The following PIGF variants were observed in gnomAD, a reference collection of about 807,000 sequenced individuals.
PIGF encodes the protein phosphatidylinositol glycan anchor biosynthesis class F.
Under a neutral mutation model 26.0 loss-of-function variants are expected in PIGF, and 23 were observed. The ratio of observed to expected loss-of-function variants is 0.88; its 90% confidence interval spans 0.64 to 1.25. The LOEUF (loss-of-function observed/expected upper bound fraction) is 1.25, where lower values mean the gene tolerates loss of function less well. PIGF is among the 50% of genes most tolerant of loss of function. The pLI, the probability that PIGF is intolerant of heterozygous loss-of-function variation, is 0.00. For synonymous variants in PIGF, 93 were observed against 92.6 expected (o/e 1.00, Z -0.03); for missense variants, 278 against 249.9 (o/e 1.11, Z -0.76).
At chr2:46,606,323 C>T (rs957299451) in intron 4 of PIGF, among the ~76,000 whole-genome samples, 2 of 152,154 alleles carry the variant, frequency 1.3e-5, no homozygotes, top group African/African-American at 4.8e-5. Context: ...TGTATCTGTG[C>T]CCTCTGACAA....
At chr2:46,616,843 G>A (rs926461705) in intron 1 of PIGF, 127 bp downstream of exon 1, 1 of 290,110 alleles carries the variant, frequency 3.4e-6, no homozygotes, top group Non-Finnish European at 6.6e-6. Flanking sequence ...CACGCCGGAA[G>A]AGTGGCGCTG....
In PIGF at chr2:46,588,847, GTACT is replaced by G. The variant is rs527980754; in HGVS notation, c.546+3624_546+3627del. On this transcript the variant is annotated intron_variant, in intron 5 of 5. Coordinates refer to ENST00000281382, the MANE Select transcript of PIGF (RefSeq NM_002643.4). The surrounding 1 kb of genome is among the most constrained non-coding windows in gnomAD (Gnocchi z 4.1). ...TCCTGGGTGTATTTAAGTATCTGTTGTACTTACTTACACAGAACATATGCTATGC... is the reference window on the plus strand; with the variant it reads ...TCCTGGGTGTATTTAAGTATCTGTTGTACTTACACAGAACATATGCTATGC... Among the ~76,000 whole-genome samples the G allele has an allele frequency of 1.0e-3, 154 of 152,190 alleles. No individual in the cohort carries two copies. Among genetic ancestry groups the G allele is most frequent in the African/African-American group, 3.1e-3 (129 of 41,540 alleles).
chr2:46,606,474 C>T (rs1283129344), intron 4 of PIGF, among the ~76,000 whole-genome samples: 1 of 152,078 alleles, frequency 6.6e-6, no homozygotes, highest in African/African-American at 2.4e-5. Flanking sequence ...TAGTACTTCA[C>T]AGTGTGGGTT....
intron 4 of PIGF, among the ~76,000 whole-genome samples, chr2:46,600,939 G>A (rs1056635871): frequency 2.0e-5 from 3 of 151,592 alleles, no homozygotes; most frequent in East Asian, 1.9e-4. Context: ...TACAAAATTC[G>A]AAGAACATAT....
At chr2:46,585,375 A>G (rs1669537350) in intron 5 of PIGF, among the ~76,000 whole-genome samples, 1 of 152,234 alleles carries the variant, frequency 6.6e-6, no homozygotes, top group South Asian at 2.1e-4. Flanking sequence ...CAAATATATT[A>G]CAACTCAAGT....
chr2:46,598,399 C>G (rs1669953891), intron 4 of PIGF, among the ~76,000 whole-genome samples: 1 of 152,098 alleles, frequency 6.6e-6, no homozygotes, highest in Non-Finnish European at 1.5e-5. Context: ...CCAGACTAGG[C>G]AAATCTACAG....
intron 4 of PIGF, among the ~76,000 whole-genome samples, chr2:46,597,704 G>A (rs115541881): frequency 5.3e-5 from 8 of 152,122 alleles, no homozygotes; most frequent in South Asian, 2.1e-4. Flanking sequence ...GAGCCACAGC[G>A]CCTGGCCCTG....
chr2:46,590,852 A>G (rs17767151), intron 5 of PIGF, among the ~76,000 whole-genome samples: 9,913 of 152,278 alleles, frequency 0.065, 444 homozygotes, highest in Non-Finnish European at 0.1. Context: ...ATGAAGAGTT[A>G]AAACAGGGAA....
At chr2:46,610,237 C>T (rs889253304) in intron 4 of PIGF, among the ~76,000 whole-genome samples, 1 of 152,150 alleles carries the variant, frequency 6.6e-6, no homozygotes, top group African/African-American at 2.4e-5. Flanking sequence ...TAGGAACACA[C>T]AGGCCACATT....
chr2:46,594,671 G>C (rs571575149), intron 4 of PIGF, among the ~76,000 whole-genome samples: 34 of 151,998 alleles, frequency 2.2e-4, no homozygotes, highest in African/African-American at 7.7e-4. Context: ...GAGTAGCTGG[G>C]ATTACAGGTG....
At chr2:46,601,372 A>C (rs189970897) in intron 4 of PIGF, among the ~76,000 whole-genome samples, 11 of 152,258 alleles carry the variant, frequency 7.2e-5, no homozygotes, top group Non-Finnish European at 1.0e-4. Flanking sequence ...ATCAAATATT[A>C]ATTGAAGTAA....
At chr2:46,614,334 T>C (rs1454761286) in intron 2 of PIGF, 1 of 153,154 alleles carries the variant, frequency 6.5e-6, no homozygotes, top group African/African-American at 2.4e-5. Flanking sequence ...TAAGAATATA[T>C]AAACATAACA....
At chr2:46,599,466 C>T (rs1669990652) in intron 4 of PIGF, among the ~76,000 whole-genome samples, 1 of 152,104 alleles carries the variant, frequency 6.6e-6, no homozygotes, top group African/African-American at 2.4e-5. Context: ...TTTATCACAT[C>T]TTCTCTAAAT....
At chr2:46,612,441 T>C in intron 3 of PIGF, 97 bp from the exon 4 acceptor site, 1 of 417,662 alleles carries the variant, frequency 2.4e-6, no homozygotes, top group Non-Finnish European at 4.3e-6. Context: ...AATATCTTCC[T>C]ATGCTTTACT....
At chr2:46,581,696 A>G (rs1669383054) in intron 5 of PIGF, 105 bp from the exon 6 acceptor site, 1 of 1,447,270 alleles carries the variant, frequency 6.9e-7, no homozygotes, top group African/African-American at 1.4e-5. Context: ...GTGCTTTCTT[A>G]AAGAATGCCA....
chr2:46,587,969 G>C, intron 5 of PIGF: 1 of 888,596 alleles, frequency 1.1e-6, no homozygotes. Flanking sequence ...GCTCTCATGT[G>C]AATCTTAAGT....
intron 4 of PIGF, among the ~76,000 whole-genome samples, chr2:46,595,568 A>G (rs1669857064): frequency 6.6e-6 from 1 of 152,200 alleles, no homozygotes; most frequent in African/African-American, 2.4e-5. Context: ...ACATTTATGC[A>G]CAAGTTTCTG....
At position 46,592,553 on chromosome 2, in the gene PIGF, C is replaced by G. The variant is rs1181772714; in HGVS notation, c.468G>C (p.Gln156His). The G allele has an allele frequency of 6.2e-7, 1 of 1,603,844 alleles. No individual in the cohort carries two copies. Among genetic ancestry groups the G allele is most frequent in the Admixed American group, 1.7e-5 (1 of 60,020 alleles). The change falls in exon 5 of 6, where the codon CAG becomes CAC. Residue 156 changes from glutamine to histidine, a missense_variant. Transcript: ENST00000281382. ...CTACAAAGCTAGAAATTGTAGTGAT[C>G]TGGAGACTATTCTCCCATATGGATG... ...GVTSIWENSLQITTISSFVGA... is the reference protein window; with the variant it reads ...GVTSIWENSLHITTISSFVGA...
chr2:46,604,438 A>C (rs1670155774), intron 4 of PIGF, among the ~76,000 whole-genome samples: 2 of 152,098 alleles, frequency 1.3e-5, no homozygotes, highest in Non-Finnish European at 2.9e-5. Flanking sequence ...ACAATAGCCA[A>C]GATTTGGAAG....
Sources: allele counts gnomAD v4.1 joint callset (sites outside exome capture counted in the v4.1 genomes callset), GRCh38; gene constraint gnomAD v4.1.1; non-coding constraint Gnocchi (gnomAD v3.1); transcripts MANE v1.5; gene names NCBI Gene and HGNC (gene_info 2026-07-23, HGNC 2026-07-21).